Variants in CAST observed in about 807,000 individuals in gnomAD.
The protein encoded by CAST is calpastatin, also known as MIR583 host.
Under a neutral mutation model 119.6 loss-of-function variants are expected in CAST, and 76 were observed. The ratio of observed to expected loss-of-function variants is 0.64; its 90% CI spans 0.53 to 0.77. The LOEUF (loss-of-function observed/expected upper bound fraction) is 0.77, where lower values mean the gene tolerates loss of function less well. Ranked by LOEUF, CAST falls within the 30% of genes least tolerant of loss-of-function variation. CAST has a pLI of 0.00. For missense variants in CAST, 953 were observed against 946.5 expected (o/e 1.01, Z -0.09); for synonymous variants, 319 against 331.6 (o/e 0.96, Z 0.41).
chr5:96,620,674 G>C (rs900486444), intron 1 of CAST, among the ~76,000 whole-genome samples: 1 of 152,038 alleles, frequency 6.6e-6, no homozygotes, highest in African/African-American at 2.4e-5. Context: ...TGTAAGTTAA[G>C]CAGCATAAAA....
chr5:96,356,808 T>C, the CAST span, among the ~76,000 whole-genome samples: 3 of 152,198 alleles, frequency 2.0e-5, no homozygotes, highest in African/African-American at 4.8e-5. Context: ...TTGTCTTGGC[T>C]ATGCAGGCTC....
intron 1 of CAST, among the ~76,000 whole-genome samples, chr5:96,559,398 G>C (rs968693063): frequency 7.9e-5 from 12 of 152,176 alleles, no homozygotes. Context: ...TATTCAGTTA[G>C]GAAAGGAGGA....
intron 1 of CAST, among the ~76,000 whole-genome samples, chr5:96,606,173 A>AAC (rs1561428351): frequency 1.3e-5 from 2 of 151,908 alleles, no homozygotes; most frequent in African/African-American, 4.9e-5. Flanking sequence ...ACAACAACAA[A>AAC]AAAAAAACAC....
chr5:96,138,464 T>C, the CAST span, among the ~76,000 whole-genome samples: 37 of 152,034 alleles, frequency 2.4e-4, no homozygotes, highest in Non-Finnish European at 4.4e-4. Flanking sequence ...CTAGGTCTTT[T>C]GCCTTACCAT....
the CAST span, among the ~76,000 whole-genome samples, chr5:96,435,561 T>G: frequency 1.7e-4 from 26 of 152,362 alleles, no homozygotes; most frequent in African/African-American, 5.5e-4. Context: ...ATCATGGTAG[T>G]GACCTCCAGG....
the CAST span, among the ~76,000 whole-genome samples, chr5:96,516,698 A>T: frequency 6.6e-6 from 1 of 152,242 alleles, no homozygotes; most frequent in African/African-American, 2.4e-5. Flanking sequence ...AAGAATGTGT[A>T]TGATTAAGTC....
intron 1 of CAST, among the ~76,000 whole-genome samples, chr5:96,636,763 G>GA (rs1580854708): frequency 1.3e-5 from 2 of 152,296 alleles, no homozygotes; most frequent in East Asian, 3.9e-4. Context: ...GCTGGTGGGG[G>GA]AAAGGGCTCA....
At chr5:96,362,862 G>A in the CAST span, among the ~76,000 whole-genome samples, 1 of 152,068 alleles carries the variant, frequency 6.6e-6, no homozygotes, top group Non-Finnish European at 1.5e-5. Flanking sequence ...GTCAATTTTG[G>A]CTTTTGTTGC....
chr5:96,053,134 A>G, the CAST span, among the ~76,000 whole-genome samples: 3 of 152,246 alleles, frequency 2.0e-5, no homozygotes, highest in Non-Finnish European at 4.4e-5. Flanking sequence ...TGGTCTTTTA[A>G]TGGGTCTATT....
At chr5:96,135,703 A>G in the CAST span, among the ~76,000 whole-genome samples, 3 of 151,664 alleles carry the variant, frequency 2.0e-5, no homozygotes, top group Admixed American at 2.0e-4. Flanking sequence ...CTGTGTCCTC[A>G]CCTCCAACCT....
At chr5:96,047,089 A>T in the CAST span, among the ~76,000 whole-genome samples, 6 of 152,234 alleles carry the variant, frequency 3.9e-5, no homozygotes, top group African/African-American at 1.4e-4. Flanking sequence ...TTTAAAAAAT[A>T]TATAGCCTAA....
chr5:96,150,806 G>A, the CAST span, among the ~76,000 whole-genome samples: 1 of 152,142 alleles, frequency 6.6e-6, no homozygotes, highest in African/African-American at 2.4e-5. Context: ...AAGCAGCTGT[G>A]GGGGGCAGGG....
intron 2 of CAST, among the ~76,000 whole-genome samples, chr5:96,678,135 C>G (rs1324667325): frequency 2.0e-5 from 3 of 152,152 alleles, no homozygotes; most frequent in Non-Finnish European, 4.4e-5. Context: ...TTGTTGCCAT[C>G]TCCTTTTCTT....
chr5:96,599,893 CAA>C (rs1441574982), intron 1 of CAST, among the ~76,000 whole-genome samples: 1 of 147,436 alleles, frequency 6.8e-6, no homozygotes, highest in Non-Finnish European at 1.5e-5. Context: ...TCCTTTTCCT[CAA>C]AGAGCTTATT....
At chr5:96,684,834 T>G (rs1373699915) in intron 2 of CAST, among the ~76,000 whole-genome samples, 1 of 152,156 alleles carries the variant, frequency 6.6e-6, no homozygotes, top group African/African-American at 2.4e-5. Context: ...ACTCCCAAAG[T>G]GCTGGGATTA....
intron 1 of CAST, among the ~76,000 whole-genome samples, chr5:96,639,875 G>A (rs529507547): frequency 4.7e-4 from 72 of 152,310 alleles, no homozygotes; most frequent in African/African-American, 1.7e-3. Context: ...ACTCCTGGAA[G>A]AGAAGCCACT....
chr5:96,745,447 C>T (rs565038807), intron 16 of CAST, among the ~76,000 whole-genome samples: 22 of 152,172 alleles, frequency 1.4e-4, no homozygotes, highest in South Asian at 8.3e-4. Flanking sequence ...TATTATTGTG[C>T]GTATCCTGTT....
At chr5:96,443,621 G>A in the CAST span, among the ~76,000 whole-genome samples, 14 of 152,146 alleles carry the variant, frequency 9.2e-5, no homozygotes, top group Admixed American at 5.2e-4. Flanking sequence ...AGTGGTTATC[G>A]ATTATTGCTG....
the CAST span, among the ~76,000 whole-genome samples, chr5:96,330,107 C>G: frequency 1.6e-4 from 25 of 152,210 alleles, 1 homozygote; most frequent in Admixed American, 1.2e-3. Flanking sequence ...TTGTCATTAC[C>G]CAAATGGTTA....
Sources: allele counts gnomAD v4.1 joint callset (sites outside exome capture counted in the v4.1 genomes callset), GRCh38; gene constraint gnomAD v4.1.1; transcripts MANE v1.5; gene names NCBI Gene and HGNC (gene_info 2026-07-23, HGNC 2026-07-21).